Variants in GLDC observed in about 807,000 individuals in gnomAD.
The protein encoded by GLDC is glycine decarboxylase.
GLDC carries 104 observed loss-of-function variants against 121.3 expected under a neutral mutation model. The ratio of observed to expected loss-of-function variants is 0.86; its 90% confidence interval spans 0.73 to 1.01. The LOEUF (loss-of-function observed/expected upper bound fraction) is 1.01, where lower values mean the gene tolerates loss of function less well. GLDC is among the 50% of genes least tolerant of loss of function. The pLI, the probability that GLDC is intolerant of heterozygous loss-of-function variation, is 0.00. For synonymous variants in GLDC, 546 were observed against 480.6 expected (o/e 1.14, Z -1.78); for missense variants, 1,429 against 1,306.6 (o/e 1.09, Z -1.44).
At chr9:6,576,223 T>C (rs1818061485) in intron 15 of GLDC, among the ~76,000 whole-genome samples, 1 of 152,290 alleles carries the variant, frequency 6.6e-6, no homozygotes, top group South Asian at 2.1e-4. Context: ...TTCTAGAGGC[T>C]GAGATGTCCA....
intron 20 of GLDC, among the ~76,000 whole-genome samples, chr9:6,551,869 C>T (rs895081118): frequency 3.3e-5 from 5 of 152,146 alleles, no homozygotes; most frequent in Admixed American, 6.5e-5. Flanking sequence ...GGAAGGACTT[C>T]GACTTTGTCC....
chr9:6,603,215 G>C (rs1188755413), intron 7 of GLDC, among the ~76,000 whole-genome samples: 2 of 150,356 alleles, frequency 1.3e-5, no homozygotes, highest in Non-Finnish European at 2.9e-5. Context: ...GTGACAGAGA[G>C]AGACTCCGTC....
intron 15 of GLDC, among the ~76,000 whole-genome samples, chr9:6,579,912 T>A (rs1171356294): frequency 6.6e-6 from 1 of 152,220 alleles, no homozygotes; most frequent in Non-Finnish European, 1.5e-5. Flanking sequence ...CCCTTAGGGC[T>A]GAGTTCAGGT....
rs1365603987 is a variant in GLDC, at chr9:6,592,761, T to C, written c.1401+90A>G. On this transcript the variant is annotated intron_variant, in intron 10 of 24. Transcript: ENST00000321612. ...TAGGACTGTGCCTAAAGTTTTCCTT[T>C]TTATTTTTTAAAAACAAAGAGAAAA... 8.3e-6 allele frequency: 11 copies of C among 1,325,852 alleles called. No individual in the cohort carries two copies. In the South Asian group the frequency reaches 1.1e-4, roughly 14 times the overall value. 82.1% of individuals were successfully genotyped at this position (1,325,852 alleles called of 1,614,324 possible).
intron 2 of GLDC, among the ~76,000 whole-genome samples, chr9:6,640,166 C>T (rs1819600607): frequency 6.6e-6 from 1 of 152,254 alleles, no homozygotes; most frequent in Non-Finnish European, 1.5e-5. Flanking sequence ...TCCCTTGCTA[C>T]AGCAAGCTCA....
chr9:6,637,458 G>T (rs1233162374), intron 2 of GLDC, among the ~76,000 whole-genome samples: 1 of 151,322 alleles, frequency 6.6e-6, no homozygotes, highest in African/African-American at 2.4e-5. Flanking sequence ...ATTTTGTTTT[G>T]TCTTGTTTTT....
chr9:6,629,955 ATATT>A (rs1819331914), intron 2 of GLDC, among the ~76,000 whole-genome samples: 2 of 84,438 alleles, frequency 2.4e-5, no homozygotes, highest in African/African-American at 6.4e-5. Flanking sequence ...GTATATATAT[ATATT>A]TTTTTTTTTT....
chr9:6,642,590 AGGAGCCCACTT>A (rs1292563392), intron 2 of GLDC, among the ~76,000 whole-genome samples: 3 of 152,242 alleles, frequency 2.0e-5, no homozygotes, highest in African/African-American at 7.2e-5. Context: ...ATTACTTTTC[AGGAGCCCACTT>A]CCACAGTGAA....
At chr9:6,578,175 C>G (rs1300734751) in intron 15 of GLDC, among the ~76,000 whole-genome samples, 1 of 151,902 alleles carries the variant, frequency 6.6e-6, no homozygotes, top group African/African-American at 2.4e-5. Flanking sequence ...GGCTGGGGTG[C>G]AATGGTGTGA....
Position 6,605,203 on chromosome 9 carries a change from C to A in GLDC, c.789G>T (p.Leu263Phe). The A allele has an allele frequency of 2.5e-6, 4 of 1,613,640 alleles. No homozygotes were observed. The highest frequency in any genetic ancestry group is 3.4e-6 in the Non-Finnish European group (4 of 1,179,638). ...DFSGKDVSGV[L>F]FQYPDTEGKV... Reference sequence around the variant, plus strand: ...TCCCCTCCGTGTCTGGGTACTGGAACAACACTCCACTGACATCTTTTCCAC... The same window carrying A: ...TCCCCTCCGTGTCTGGGTACTGGAAAAACACTCCACTGACATCTTTTCCAC... Residue 263 changes from leucine (L) to phenylalanine (F), a missense_variant, in exon 6 of 25, where the codon TTG becomes TTT. Leu to Phe is a conservative substitution (Grantham distance 22). Transcript: ENST00000321612.
intron 20 of GLDC, 130 bp downstream of exon 20, chr9:6,553,238 A>G (rs1817551998): frequency 1.2e-6 from 1 of 814,186 alleles, no homozygotes; most frequent in Admixed American, 2.3e-5. Context: ...GCCATCAGCA[A>G]TATTCTTTGA....
intron 8 of GLDC, among the ~76,000 whole-genome samples, chr9:6,597,773 A>C (rs1173499235): frequency 6.6e-6 from 1 of 151,968 alleles, no homozygotes. Flanking sequence ...TGTATCTACT[A>C]AAAATACAAT....
intron 2 of GLDC, among the ~76,000 whole-genome samples, chr9:6,629,958 T>TATATATATATGTATACATATATATATATA: frequency 2.5e-5 from 2 of 78,672 alleles, no homozygotes; most frequent in Non-Finnish European, 4.9e-5. Flanking sequence ...TATATATATA[T>TATATATATATGTATACATATATATATATA]TTTTTTTTTT....
intron 21 of GLDC, among the ~76,000 whole-genome samples, chr9:6,548,954 C>T (rs1027892036): frequency 2.6e-5 from 4 of 152,168 alleles, no homozygotes; most frequent in African/African-American, 9.7e-5. Context: ...TCACTACCTG[C>T]AAACATGGAA....
chr9:6,545,435 G>A (rs1160720097), intron 21 of GLDC, among the ~76,000 whole-genome samples: 4 of 152,046 alleles, frequency 2.6e-5, no homozygotes, highest in Non-Finnish European at 5.9e-5. Flanking sequence ...ATAAAAAATG[G>A]TACATCTGTG....
intron 16 of GLDC, among the ~76,000 whole-genome samples, chr9:6,563,406 G>C (rs766889026): frequency 6.6e-6 from 1 of 152,256 alleles, no homozygotes; most frequent in South Asian, 2.1e-4. Flanking sequence ...CAGTGGAGGA[G>C]TCGGGTGGAG....
intron 22 of GLDC, among the ~76,000 whole-genome samples, chr9:6,537,190 C>G (rs1385355196): frequency 6.6e-6 from 1 of 152,064 alleles, no homozygotes; most frequent in Non-Finnish European, 1.5e-5. Flanking sequence ...GCCACCATGC[C>G]CAGCTAATTT....
At chr9:6,635,110 G>A (rs1286322399) in intron 2 of GLDC, among the ~76,000 whole-genome samples, 1 of 152,154 alleles carries the variant, frequency 6.6e-6, no homozygotes, top group Non-Finnish European at 1.5e-5. Context: ...TTCAGACGAA[G>A]TCTCCATCCT....
chr9:6,590,143 T>C (rs1818349174), intron 11 of GLDC, among the ~76,000 whole-genome samples: 1 of 152,014 alleles, frequency 6.6e-6, no homozygotes, highest in East Asian at 1.9e-4. Flanking sequence ...GAATAAACAA[T>C]AAACATATAT....
Sources: allele counts gnomAD v4.1 joint callset (sites outside exome capture counted in the v4.1 genomes callset), GRCh38; gene constraint gnomAD v4.1.1; transcripts MANE v1.5; gene names NCBI Gene and HGNC (gene_info 2026-07-23, HGNC 2026-07-21).